Variants in GPC5 observed in about 807,000 individuals in gnomAD.
The protein encoded by GPC5 is glypican 5, also known as glypican-5.
In GPC5, 47 loss-of-function variants were observed where a neutral mutation model predicts 53.9. The observed-to-expected ratio is 0.87, with a 90% CI of 0.69 to 1.11. The LOEUF (loss-of-function observed/expected upper bound fraction) is 1.11. Among genes scored for constraint, GPC5 ranks in the 50% most tolerant of loss-of-function variants. The probability of loss-of-function intolerance (pLI) is 0.00; values close to 1 mark genes in which losing one functional copy is unlikely to be tolerated. For synonymous variants in GPC5, 286 were observed against 263.3 expected (o/e 1.09, Z -0.84); for missense variants, 748 against 713.1 (o/e 1.05, Z -0.56).
At chr13:92,665,166 A>AT (rs1180636754) in intron 7 of GPC5, among the ~76,000 whole-genome samples, 6 of 152,040 alleles carry the variant, frequency 3.9e-5, no homozygotes, top group Non-Finnish European at 7.4e-5. Flanking sequence ...CTTCTCATTT[A>AT]TTTTTTTCCC....
chr13:92,263,439 T>C (rs553847099), intron 7 of GPC5, among the ~76,000 whole-genome samples: 15 of 152,282 alleles, frequency 9.9e-5, no homozygotes, highest in African/African-American at 3.6e-4. Context: ...TCCTCTCCAA[T>C]ACAGTATTTA....
chr13:92,221,523 A>C (rs2042448260), intron 7 of GPC5, among the ~76,000 whole-genome samples: 1 of 151,992 alleles, frequency 6.6e-6, no homozygotes, highest in African/African-American at 2.4e-5. Flanking sequence ...TTTTCCCAAC[A>C]CCCTCTCCCA....
intron 6 of GPC5, among the ~76,000 whole-genome samples, chr13:92,109,642 A>G (rs2138925156): frequency 6.6e-6 from 1 of 152,292 alleles, no homozygotes; most frequent in Admixed American, 6.5e-5. Context: ...TTTGAGTATC[A>G]TTATCTACCT....
In GPC5 at chr13:91,571,860, C is replaced by CGT. The variant is rs751776139; in HGVS notation, c.326-121320_326-121319dup. On this transcript the variant is annotated intron_variant, in intron 2 of 7. Coordinates refer to ENST00000377067, the MANE Select transcript of GPC5 (RefSeq NM_004466.6). ...ATACTTGTGTGTATATACACATATACGTGTGTGTATATATACACACATATA... is the reference window on the plus strand; with the variant it reads ...ATACTTGTGTGTATATACACATATACGTGTGTGTGTATATATACACACATATA... 4.7e-4 allele frequency among the ~76,000 whole-genome samples: 57 copies of CGT among 120,406 alleles called. 5 individuals carry two copies. Among genetic ancestry groups the CGT allele is most frequent in the Admixed American group, 8.7e-4 (11 of 12,652 alleles). 79.0% of individuals were successfully genotyped at this position (120,406 alleles called of 152,430 possible).
At chr13:92,124,260 A>AAG (rs2041675859) in intron 6 of GPC5, among the ~76,000 whole-genome samples, 1 of 150,698 alleles carries the variant, frequency 6.6e-6, no homozygotes, top group African/African-American at 2.4e-5. Context: ...AAAAAAAAAA[A>AAG]AAAAAAAAAA....
At chr13:92,196,768 C>T (rs561853385) in intron 7 of GPC5, among the ~76,000 whole-genome samples, 1 of 151,306 alleles carries the variant, frequency 6.6e-6, no homozygotes, top group South Asian at 2.1e-4. Context: ...ACTGGGAGAG[C>T]TTTCAATATC....
At chr13:91,399,915 G>A (rs1269612901) in intron 1 of GPC5, among the ~76,000 whole-genome samples, 1 of 152,134 alleles carries the variant, frequency 6.6e-6, no homozygotes, top group Non-Finnish European at 1.5e-5. Context: ...AGATGTACCA[G>A]CGTTCCAAAG....
chr13:91,770,036 C>T (rs1399818118), intron 5 of GPC5, among the ~76,000 whole-genome samples: 3 of 152,166 alleles, frequency 2.0e-5, no homozygotes, highest in Admixed American at 6.5e-5. Flanking sequence ...TATGACTTGG[C>T]TACACATTGG....
At chr13:92,070,969 G>A (rs1269452351) in intron 6 of GPC5, among the ~76,000 whole-genome samples, 1 of 152,152 alleles carries the variant, frequency 6.6e-6, no homozygotes, top group East Asian at 1.9e-4. Flanking sequence ...CAGGAGTGGT[G>A]GCTCACGCCT....
rs933426569 is a variant in GPC5 at position 92,446,063 on chromosome 13, A to G, written c.1561+301074A>G. ...TTACATCAATGTAACTGGACTGTCT[A>G]TCACCTCAAGCATTTATCTTTTGTG... On this transcript the variant is annotated intron_variant, in intron 7 of 7. Coordinates refer to ENST00000377067, the MANE Select transcript of GPC5 (RefSeq NM_004466.6). Among the ~76,000 whole-genome samples the G allele has an allele frequency of 5.9e-5, 9 of 152,126 alleles. No individual in the cohort carries two copies. In the East Asian group the frequency reaches 7.7e-4, roughly 13 times the overall value.
At chr13:92,381,985 T>C (rs1345209529) in intron 7 of GPC5, among the ~76,000 whole-genome samples, 1 of 145,236 alleles carries the variant, frequency 6.9e-6, no homozygotes. Flanking sequence ...TATCTATCTA[T>C]CTATCTATCT....
intron 7 of GPC5, among the ~76,000 whole-genome samples, chr13:92,205,231 G>C (rs1258490216): frequency 6.6e-6 from 1 of 151,728 alleles, no homozygotes; most frequent in African/African-American, 2.4e-5. Flanking sequence ...AGACAGTTTT[G>C]CTCTTATTGC....
chr13:92,256,752 T>C (rs988325691), intron 7 of GPC5, among the ~76,000 whole-genome samples: 14 of 152,000 alleles, frequency 9.2e-5, no homozygotes, highest in Non-Finnish European at 2.1e-4. Flanking sequence ...TATTGTTTTC[T>C]TCCATTAAAA....
intron 7 of GPC5, among the ~76,000 whole-genome samples, chr13:92,175,094 C>T (rs747677812): frequency 6.6e-6 from 1 of 152,228 alleles, no homozygotes; most frequent in African/African-American, 2.4e-5. Flanking sequence ...CTCAGGTGAT[C>T]AACCCGCCTT....
chr13:91,886,871 C>T (rs1265025657), intron 5 of GPC5, among the ~76,000 whole-genome samples: 1 of 152,198 alleles, frequency 6.6e-6, no homozygotes, highest in Non-Finnish European at 1.5e-5. Context: ...GCTGCTTTTA[C>T]TGGCTGGCAT....
At chr13:91,691,081 C>T (rs2035747650) in intron 2 of GPC5, among the ~76,000 whole-genome samples, 1 of 152,100 alleles carries the variant, frequency 6.6e-6, no homozygotes, top group Non-Finnish European at 1.5e-5. Flanking sequence ...TAGTTCAAGC[C>T]ACAGAGATTC....
intron 6 of GPC5, among the ~76,000 whole-genome samples, chr13:92,071,861 AAT>A (rs1323536671): frequency 2.7e-5 from 4 of 147,088 alleles, no homozygotes; most frequent in African/African-American, 9.8e-5. Flanking sequence ...AATTTATTAT[AAT>A]ATATATAAAT....
chr13:92,003,949 A>G (rs1253768063), intron 6 of GPC5, among the ~76,000 whole-genome samples: 1 of 152,212 alleles, frequency 6.6e-6, no homozygotes, highest in Non-Finnish European at 1.5e-5. Context: ...GAAGTGGATT[A>G]AAAAATTAAA....
intron 7 of GPC5, among the ~76,000 whole-genome samples, chr13:92,698,192 A>G (rs909481510): frequency 1.3e-5 from 2 of 151,580 alleles, no homozygotes; most frequent in African/African-American, 4.8e-5. Flanking sequence ...ATACTTTAAG[A>G]TTTAGGGTAC....
Sources: allele counts gnomAD v4.1 joint callset (sites outside exome capture counted in the v4.1 genomes callset), GRCh38; gene constraint gnomAD v4.1.1; transcripts MANE v1.5; gene names NCBI Gene and HGNC (gene_info 2026-07-23, HGNC 2026-07-21).